The following KPNA1 variants were observed in gnomAD, a reference collection of about 807,000 sequenced individuals.
KPNA1 encodes the protein importin subunit alpha-5.
A neutral mutation model predicts 70.5 loss-of-function variants in KPNA1; 10 were observed. The ratio of observed to expected loss-of-function variants is 0.14; its 90% CI spans 0.09 to 0.24. The LOEUF (loss-of-function observed/expected upper bound fraction) is 0.24. KPNA1 is among the 10% of genes least tolerant of loss of function. The pLI, the probability that KPNA1 is intolerant of heterozygous loss-of-function variation, is 1.00. For missense variants in KPNA1, 397 were observed against 637.9 expected (o/e 0.62, Z 4.07); for synonymous variants, 192 against 221.9 (o/e 0.87, Z 1.20).
intron 1 of KPNA1, chr3:122,514,323 C>G (rs2076991494): frequency 6.5e-6 from 1 of 152,804 alleles, no homozygotes; most frequent in Non-Finnish European, 1.5e-5. Flanking sequence ...TACACGCCAC[C>G]CCTGCTCCTT....
At chr3:122,493,457 A>G (rs2076722997) in intron 2 of KPNA1, among the ~76,000 whole-genome samples, 1 of 152,162 alleles carries the variant, frequency 6.6e-6, no homozygotes. Context: ...GATCAAACCT[A>G]AGAGCCTATG....
intron 10 of KPNA1, among the ~76,000 whole-genome samples, chr3:122,439,950 G>A (rs761886169): frequency 1.2e-4 from 19 of 152,122 alleles, no homozygotes; most frequent in African/African-American, 4.1e-4. Flanking sequence ...CTTGCCTTGT[G>A]GGGGAAAGAA....
intron 9 of KPNA1, among the ~76,000 whole-genome samples, chr3:122,449,260 T>A (rs1248500071): frequency 2.0e-5 from 3 of 152,220 alleles, no homozygotes; most frequent in Non-Finnish European, 4.4e-5. Flanking sequence ...ATGACTATTT[T>A]AGTGGCAGTA....
intron 1 of KPNA1, among the ~76,000 whole-genome samples, chr3:122,510,628 T>A (rs796402584): frequency 1.3e-5 from 2 of 152,050 alleles, no homozygotes; most frequent in South Asian, 4.1e-4. Flanking sequence ...GCAGGTGAGG[T>A]GAATATATAT....
intron 6 of KPNA1, among the ~76,000 whole-genome samples, chr3:122,453,536 GTTTGT>G (rs1428620247): frequency 4.6e-5 from 7 of 151,528 alleles, no homozygotes; most frequent in South Asian, 2.1e-4. Flanking sequence ...TTCTTTTTTT[GTTTGT>G]TTTGTTTTTT....
chr3:122,450,525 T>A (rs1406361778), intron 8 of KPNA1, among the ~76,000 whole-genome samples: 2 of 152,158 alleles, frequency 1.3e-5, no homozygotes, highest in Non-Finnish European at 2.9e-5. Context: ...GAGGTTGCAG[T>A]GTGCCGAGAC....
At chr3:122,487,965 C>A (rs892072569) in intron 2 of KPNA1, among the ~76,000 whole-genome samples, 4 of 152,116 alleles carry the variant, frequency 2.6e-5, no homozygotes, top group Non-Finnish European at 5.9e-5. Flanking sequence ...CAATGTATGA[C>A]TTAGTTTCTG....
intron 9 of KPNA1, 73 bp from the exon 10 acceptor site, chr3:122,442,189 A>C: frequency 8.7e-7 from 1 of 1,150,378 alleles, no homozygotes; most frequent in Admixed American, 1.9e-5. Context: ...GACCAAAATT[A>C]AAAAACAAAA....
In KPNA1 at chr3:122,478,337, C is replaced by T. The variant is rs543147704; in HGVS notation, c.130-10908G>A. On this transcript the variant is annotated intron_variant, in intron 2 of 13. Transcript: ENST00000344337. ...TCACAGACCTAAATGTAATAAAAAA[C>T]TAGGCCACGCGCATTGGCTCACACC... Among the ~76,000 whole-genome samples, 16 of 151,998 alleles carry T rather than the reference C, an allele frequency of 1.1e-4. No individual in the cohort carries two copies. In the East Asian group the frequency reaches 2.9e-3, roughly 28 times the overall value.
At chr3:122,431,519 G>A (rs2075908304) in intron 12 of KPNA1, among the ~76,000 whole-genome samples, 1 of 152,178 alleles carries the variant, frequency 6.6e-6, no homozygotes, top group Non-Finnish European at 1.5e-5. Flanking sequence ...GCAACAAGAA[G>A]CAGCAGAAGC....
chr3:122,458,118 T>C (rs530066965), intron 5 of KPNA1, among the ~76,000 whole-genome samples: 2 of 152,348 alleles, frequency 1.3e-5, no homozygotes, highest in South Asian at 4.1e-4. Flanking sequence ...TATTTGGAAA[T>C]AGAAGGCAAT....
At chr3:122,499,588 AC>A (rs2076801975) in intron 1 of KPNA1, among the ~76,000 whole-genome samples, 1 of 152,030 alleles carries the variant, frequency 6.6e-6, no homozygotes, top group Admixed American at 6.6e-5. Flanking sequence ...CTCCATCTCT[AC>A]AAAAAATTTA....
intron 1 of KPNA1, among the ~76,000 whole-genome samples, chr3:122,497,380 C>T (rs1559756089): frequency 6.6e-6 from 1 of 152,196 alleles, no homozygotes. Flanking sequence ...TTATGAATAA[C>T]ACTTCTACAA....
chr3:122,488,814 T>C (rs988856712), intron 2 of KPNA1, among the ~76,000 whole-genome samples: 2 of 152,200 alleles, frequency 1.3e-5, no homozygotes, highest in South Asian at 2.1e-4. Flanking sequence ...CCTTTTAAGT[T>C]TGGGTTTGAG....
chr3:122,496,318 A>AC, intron 2 of KPNA1, 119 bp downstream of exon 2: 3 of 781,642 alleles, frequency 3.8e-6, no homozygotes, highest in Admixed American at 3.0e-5. Context: ...GAGAAGGGGA[A>AC]AACACACACA....
chr3:122,444,499 A>G (rs1170657460), intron 9 of KPNA1, among the ~76,000 whole-genome samples: 1 of 152,216 alleles, frequency 6.6e-6, no homozygotes, highest in Non-Finnish European at 1.5e-5. Context: ...AAATTATAAA[A>G]GTATTAATTT....
In KPNA1 at chr3:122,428,009, T is replaced by C. The variant is rs2075845970; in HGVS notation, c.1251-293A>G. 2.0e-5 allele frequency among the ~76,000 whole-genome samples: 3 copies of C among 152,194 alleles called. No individual in the cohort carries two copies. The South Asian group carries it at 6.2e-4, about 32-fold the overall frequency. On this transcript the variant is annotated intron_variant, in intron 12 of 13. Coordinates refer to ENST00000344337, the MANE Select transcript of KPNA1 (RefSeq NM_002264.4). The stretch of plus-strand genomic sequence containing the variant: ...TTAATACCTTGAAATGAGCGACTCA[T>C]CAAAATAGTATAGGTTTGAGTAATT...
At chr3:122,489,396 C>A (rs1216097330) in intron 2 of KPNA1, among the ~76,000 whole-genome samples, 1 of 151,704 alleles carries the variant, frequency 6.6e-6, no homozygotes, top group Non-Finnish European at 1.5e-5. Context: ...CTCAAGCCAT[C>A]CTCCCACCTC....
At position 122,422,452 on chromosome 3, in the gene KPNA1, CTG is replaced by C. The variant is rs1257841183; in HGVS notation, c.*4531_*4532del. On this transcript the variant is annotated 3_prime_UTR_variant, in exon 14 of 14. Transcript: ENST00000344337. ...GGCCTGAGAGGGCCTACACTCCAGT[CTG>C]TGTAACCTAAAAGCAACTTAAGCCT... is the stretch of plus-strand genomic sequence containing the variant. The C allele has an allele frequency of 6.6e-6, 1 of 151,932 alleles. No homozygotes were observed. Among genetic ancestry groups the C allele is most frequent in the African/African-American group, 2.4e-5 (1 of 41,346 alleles). 9.4% of individuals were successfully genotyped at this position (151,932 alleles called of 1,614,324 possible).
Sources: allele counts gnomAD v4.1 joint callset (sites outside exome capture counted in the v4.1 genomes callset), GRCh38; gene constraint gnomAD v4.1.1; transcripts MANE v1.5; gene names NCBI Gene and HGNC (gene_info 2026-07-23, HGNC 2026-07-21).